The following OPHN1 variants were observed in gnomAD, a reference collection of about 807,000 sequenced individuals.
OPHN1 encodes oligophrenin 1.
Under a neutral mutation model 60.7 loss-of-function variants are expected in OPHN1, and 11 were observed. That is an observed-to-expected ratio of 0.18 (90% confidence interval 0.11 to 0.30). OPHN1 has a LOEUF of 0.30. OPHN1 is among the 10% of genes least tolerant of loss of function. The pLI is 1.00. For missense variants in OPHN1, 449 were observed against 611.0 expected (o/e 0.73, Z 2.80); for synonymous variants, 226 against 222.6 (o/e 1.02, Z -0.14).
intron 6 of OPHN1, among the ~76,000 whole-genome samples, chrX:68,221,214 C>T (rs1338023995): frequency 9.3e-5 from 6 of 64,452 alleles, no homozygotes; most frequent in African/African-American, 3.1e-4. Flanking sequence ...AGGAATCCAA[C>T]TTACAAGGGA....
At chrX:68,132,707 A>T (rs183755319) in intron 15 of OPHN1, among the ~76,000 whole-genome samples, 1,885 of 103,834 alleles carry the variant, frequency 0.018, 27 homozygotes, top group African/African-American at 0.044. Context: ...AATTAAAAAA[A>T]AATAATAATA....
At chrX:68,410,357 AG>A (rs1267956549) in intron 2 of OPHN1, among the ~76,000 whole-genome samples, 1 of 111,099 alleles carries the variant, frequency 9.0e-6, no homozygotes, top group Non-Finnish European at 1.9e-5. Flanking sequence ...TCCATAGGGG[AG>A]GAATGCCGTG....
At chrX:68,346,969 A>C (rs904285925) in intron 2 of OPHN1, among the ~76,000 whole-genome samples, 2 of 112,429 alleles carry the variant, frequency 1.8e-5, no homozygotes, top group Non-Finnish European at 3.8e-5. Context: ...ACACAGAACT[A>C]GAGTGTACGA....
rs2076827934 is a variant in OPHN1, at chrX:68,045,034, C to T, written c.*2138G>A. 1 of 111,585 alleles carries T rather than the reference C, an allele frequency of 9.0e-6. No individual in the cohort carries two copies. Among genetic ancestry groups the T allele is most frequent in the Non-Finnish European group, 1.9e-5 (1 of 53,104 alleles). The allele number at this position is 111,585 out of a possible 1,213,427, so 9.2% of individuals were successfully genotyped here. On this transcript the variant is annotated 3_prime_UTR_variant, in exon 25 of 25. Transcript: ENST00000355520. ...GCTTTCATGGCCAAAATCTGCACACCTGTCTGCTTTATTCAGGATAGAGCA... is the reference window on the plus strand; with the variant it reads ...GCTTTCATGGCCAAAATCTGCACACTTGTCTGCTTTATTCAGGATAGAGCA...
chrX:68,376,093 T>C (rs1267225470), intron 2 of OPHN1, among the ~76,000 whole-genome samples: 1 of 111,591 alleles, frequency 9.0e-6, no homozygotes, highest in South Asian at 3.7e-4. Context: ...CCTAGATAAA[T>C]CTTGGTTATC....
chrX:68,208,410 A>G (rs1020056886), intron 9 of OPHN1, among the ~76,000 whole-genome samples: 2 of 111,612 alleles, frequency 1.8e-5, no homozygotes, highest in East Asian at 5.7e-4. Context: ...TTCTTTACCT[A>G]TCAAACTCCC....
intron 19 of OPHN1, among the ~76,000 whole-genome samples, chrX:68,076,145 T>C (rs951150733): frequency 1.8e-5 from 2 of 110,449 alleles, no homozygotes; most frequent in African/African-American, 6.5e-5. Context: ...AGTAAATCAG[T>C]TTTTAAAGAA....
intron 2 of OPHN1, among the ~76,000 whole-genome samples, chrX:68,334,991 T>C (rs1219078397): frequency 9.2e-6 from 1 of 109,267 alleles, no homozygotes; most frequent in Non-Finnish European, 1.9e-5. Flanking sequence ...ATTAATTAAT[T>C]AATTAATTAA....
At chrX:68,272,547 A>T (rs1457976591) in intron 5 of OPHN1, among the ~76,000 whole-genome samples, 1 of 112,446 alleles carries the variant, frequency 8.9e-6, no homozygotes, top group African/African-American at 3.2e-5. Flanking sequence ...AGATAAACAA[A>T]TACTTACCAT....
intron 2 of OPHN1, among the ~76,000 whole-genome samples, chrX:68,381,843 C>T (rs921918186): frequency 2.7e-5 from 3 of 111,181 alleles, no homozygotes; most frequent in African/African-American, 9.8e-5. Flanking sequence ...CTCTCTCTCT[C>T]GCTGTCTCTT....
intron 6 of OPHN1, among the ~76,000 whole-genome samples, chrX:68,216,515 T>C (rs2077609934): frequency 9.0e-6 from 1 of 111,166 alleles, no homozygotes; most frequent in South Asian, 3.7e-4. Context: ...ACAAAAATGT[T>C]AGACCTGAAA....
chrX:68,099,715 T>A (rs957307378), intron 18 of OPHN1, among the ~76,000 whole-genome samples: 1 of 112,545 alleles, frequency 8.9e-6, no homozygotes, highest in African/African-American at 3.2e-5. Context: ...CACGTGGGCA[T>A]GCAGATCCAG....
chrX:68,396,316 G>A (rs950660562), intron 2 of OPHN1, among the ~76,000 whole-genome samples: 1 of 98,461 alleles, frequency 1.0e-5, no homozygotes, highest in African/African-American at 3.8e-5. Flanking sequence ...TGTGGTCCCA[G>A]CTACTTGGAA....
intron 5 of OPHN1, among the ~76,000 whole-genome samples, chrX:68,245,788 CTTTA>C (rs779623045): frequency 5.4e-4 from 61 of 112,092 alleles, no homozygotes; most frequent in Non-Finnish European, 5.3e-4. Flanking sequence ...TATGGAAAAT[CTTTA>C]TTTATTATTT....
chrX:68,153,507 G>A (rs897658685), intron 15 of OPHN1, among the ~76,000 whole-genome samples: 6 of 111,806 alleles, frequency 5.4e-5, no homozygotes, highest in Admixed American at 2.8e-4. Flanking sequence ...TCTTTTATCT[G>A]TAATTGTGGT....
At chrX:68,268,794 T>A (rs1461584211) in intron 5 of OPHN1, among the ~76,000 whole-genome samples, 1 of 111,477 alleles carries the variant, frequency 9.0e-6, no homozygotes, top group Non-Finnish European at 1.9e-5. Flanking sequence ...AAAGAGGAAG[T>A]CAAATTGTCC....
Position 68,201,629 on chromosome X carries a change from T to C in OPHN1, c.1015A>G (p.Thr339Ala). Residue 339 changes from threonine (T) to alanine (A), a missense_variant, in exon 11 of 25, where the codon ACT (threonine) becomes GCT (alanine). Physicochemically the swap from Thr to Ala is moderately conservative, Grantham distance 58 (BLOSUM62 0). Coordinates refer to ENST00000355520, the MANE Select transcript of OPHN1 (RefSeq NM_002547.3). ...AGCGGCACAGCTTACCTTTCATTAG[T>C]TTCTATGTCAAAACAGAACCTCTTG... is the stretch of plus-strand genomic sequence containing the variant. ...IDKRFCFDIE[T>A]NERPGTITLQ... 8.3e-7 allele frequency: 1 copy of C among 1,208,573 alleles called. No homozygotes were observed. Among genetic ancestry groups the C allele is most frequent in the Non-Finnish European group, 1.1e-6 (1 of 892,523 alleles).
intron 3 of OPHN1, among the ~76,000 whole-genome samples, chrX:68,284,166 C>T (rs779862712): frequency 1.3e-4 from 14 of 111,415 alleles, no homozygotes; most frequent in African/African-American, 4.6e-4. Context: ...GGAAATGTGA[C>T]AAATATCATA....
intron 2 of OPHN1, among the ~76,000 whole-genome samples, chrX:68,408,720 G>A (rs376408838): frequency 2.7e-5 from 3 of 112,833 alleles, no homozygotes; most frequent in Non-Finnish European, 5.6e-5. Flanking sequence ...CCAGCACTTC[G>A]GGAGGCCGAG....
Sources: gnomAD v4.1 joint callset for allele counts (sites outside exome capture counted in the v4.1 genomes callset) on GRCh38, gnomAD v4.1.1 for gene constraint, MANE v1.5 for transcripts, NCBI Gene and HGNC (gene_info 2026-07-23, HGNC 2026-07-21) for gene names.